Variants in EXOC4 observed in about 807,000 individuals in gnomAD.
The protein encoded by EXOC4 is exocyst complex component 4.
EXOC4 carries 71 observed loss-of-function variants against 107.2 expected under a neutral mutation model. The observed-to-expected ratio is 0.66, with a 90% CI of 0.55 to 0.81. The LOEUF (loss-of-function observed/expected upper bound fraction) is 0.81, where lower values mean the gene tolerates loss of function less well. Among genes scored for constraint, EXOC4 ranks in the 30% least tolerant of loss-of-function variants. The pLI, the probability that EXOC4 is intolerant of heterozygous loss-of-function variation, is 0.00. For synonymous variants in EXOC4, 456 were observed against 441.2 expected, an observed-to-expected ratio of 1.03 and a Z score of -0.42; for missense variants, 1,108 against 1,189.6, an observed-to-expected ratio of 0.93 and a Z score of 1.01.
In EXOC4 at chr7:133,649,359, G is replaced by T. The variant is rs115089295; in HGVS notation, c.1514+19218G>T. ...TCTAGTTTTCAATACACATGATAGG[G>T]TTCATAGCCCAGCCAAATGGAATGA... On this transcript the variant is annotated intron_variant, in intron 10 of 17. Transcript: ENST00000253861. Among the ~76,000 whole-genome samples, 966 of 151,810 alleles carry T rather than the reference G, an allele frequency of 6.4e-3. 3 individuals carry two copies. The highest frequency in any genetic ancestry group is 0.017 in the Middle Eastern group (5 of 292).
chr7:133,545,085 C>A (rs1231311518), intron 9 of EXOC4, among the ~76,000 whole-genome samples: 1 of 151,670 alleles, frequency 6.6e-6, no homozygotes, highest in Non-Finnish European at 1.5e-5. Context: ...CAACAATTCC[C>A]TTGTCTATGT....
At chr7:133,614,391 C>T (rs1390888636) in intron 9 of EXOC4, among the ~76,000 whole-genome samples, 1 of 152,028 alleles carries the variant, frequency 6.6e-6, no homozygotes, top group Non-Finnish European at 1.5e-5. Flanking sequence ...GATGCTTTGT[C>T]CCTGAAGTCA....
chr7:133,295,282 G>C (rs1314576187), intron 3 of EXOC4, among the ~76,000 whole-genome samples: 2 of 152,060 alleles, frequency 1.3e-5, no homozygotes, highest in African/African-American at 2.4e-5. Flanking sequence ...CTTGTGGGTG[G>C]ATAGGGTTTT....
chr7:134,025,589 C>G (rs1377655014), intron 17 of EXOC4, among the ~76,000 whole-genome samples: 2 of 152,196 alleles, frequency 1.3e-5, no homozygotes, highest in Admixed American at 6.5e-5. Context: ...AATGGCTTGC[C>G]TCATCTGTCT....
chr7:133,499,760 G>A (rs963641877), intron 9 of EXOC4, among the ~76,000 whole-genome samples: 2 of 152,054 alleles, frequency 1.3e-5, no homozygotes, highest in African/African-American at 4.8e-5. Flanking sequence ...GTTCTCCTGA[G>A]ATTTTTCTCT....
At chr7:133,834,013 C>T (rs1797866167) in intron 11 of EXOC4, among the ~76,000 whole-genome samples, 1 of 152,060 alleles carries the variant, frequency 6.6e-6, no homozygotes, top group South Asian at 2.1e-4. Context: ...GGGTACCAAG[C>T]ACACCCCCCT....
intron 9 of EXOC4, among the ~76,000 whole-genome samples, chr7:133,581,404 G>A (rs997654313): frequency 6.6e-6 from 1 of 152,148 alleles, no homozygotes; most frequent in Non-Finnish European, 1.5e-5. Flanking sequence ...GATAAGCATA[G>A]TACCCACAGG....
In EXOC4 at chr7:133,460,547, A is replaced by G. The variant is rs75311720; in HGVS notation, c.1183-14781A>G. On this transcript the variant is annotated intron_variant, in intron 7 of 17. Transcript: ENST00000253861. ...TAACACATAACATTCAGTATAAGTAATGTATAATAATCAAATACCTATTGT... is the reference window on the plus strand; with the variant it reads ...TAACACATAACATTCAGTATAAGTAGTGTATAATAATCAAATACCTATTGT... 3.4e-4 allele frequency among the ~76,000 whole-genome samples: 52 copies of G among 152,330 alleles called. 1 individual carries two copies. The East Asian group carries it at 9.8e-3, about 29-fold the overall frequency.
At chr7:133,823,845 ATATATATAT>A (rs1797591973) in intron 11 of EXOC4, among the ~76,000 whole-genome samples, 1 of 1,584 alleles carries the variant, frequency 6.3e-4, no homozygotes, top group Non-Finnish European at 1.1e-3. Flanking sequence ...TATATATATT[ATATATATAT>A]ATATATATAT....
intron 7 of EXOC4, among the ~76,000 whole-genome samples, chr7:133,445,896 G>C (rs915217525): frequency 4.0e-5 from 6 of 151,782 alleles, no homozygotes; most frequent in Admixed American, 1.3e-4. Flanking sequence ...CATGCCTGCA[G>C]TCCCAGCTAC....
At position 134,055,932 on chromosome 7, in the gene EXOC4, A is replaced by G. The variant is rs149755448; in HGVS notation, c.2688-8359A>G. 3.8e-3 allele frequency among the ~76,000 whole-genome samples: 582 copies of G among 152,328 alleles called. 3 individuals are homozygous for G. Among genetic ancestry groups the G allele is most frequent in the African/African-American group, 0.014 (569 of 41,574 alleles). ...TATTAGAGTTTCCTAAGCATTAGTA[A>G]TAACATTAGGTTTTGCTTTGAAGAA... On this transcript the variant is annotated intron_variant, in intron 17 of 17. Coordinates refer to ENST00000253861, the MANE Select transcript of EXOC4 (RefSeq NM_021807.4).
chr7:133,956,093 TG>T (rs1312196712), intron 14 of EXOC4, among the ~76,000 whole-genome samples: 1 of 152,202 alleles, frequency 6.6e-6, no homozygotes, highest in Non-Finnish European at 1.5e-5. Context: ...CAGCTGCAAC[TG>T]GGGGCCATCA....
chr7:133,406,949 A>C (rs961871812), intron 7 of EXOC4, among the ~76,000 whole-genome samples: 3 of 152,040 alleles, frequency 2.0e-5, no homozygotes, highest in African/African-American at 7.2e-5. Context: ...TAGGAAGGCT[A>C]CTCTGGCTTG....
intron 10 of EXOC4, among the ~76,000 whole-genome samples, chr7:133,781,032 C>G (rs1796454855): frequency 6.6e-6 from 1 of 152,316 alleles, no homozygotes; most frequent in East Asian, 1.9e-4. Context: ...GAGGCACTGG[C>G]CACTGAGTCA....
At chr7:134,052,728 TG>T (rs1345942458) in intron 17 of EXOC4, among the ~76,000 whole-genome samples, 4 of 152,204 alleles carry the variant, frequency 2.6e-5, no homozygotes, top group Admixed American at 1.3e-4. Context: ...AAACTGAAGT[TG>T]AGACAGGTTC....
At chr7:133,949,345 A>C (rs1800633208) in intron 14 of EXOC4, among the ~76,000 whole-genome samples, 1 of 152,178 alleles carries the variant, frequency 6.6e-6, no homozygotes, top group Admixed American at 6.5e-5. Flanking sequence ...AACATCTTTG[A>C]GCTCTGGTCG....
chr7:133,829,592 A>G (rs1167716524), intron 11 of EXOC4, among the ~76,000 whole-genome samples: 1 of 152,210 alleles, frequency 6.6e-6, no homozygotes, highest in Non-Finnish European at 1.5e-5. Flanking sequence ...AGTTGACCAC[A>G]CTACCCCAAC....
chr7:133,804,856 A>T (rs954263161), intron 10 of EXOC4, among the ~76,000 whole-genome samples: 10 of 151,978 alleles, frequency 6.6e-5, no homozygotes, highest in Non-Finnish European at 1.2e-4. Flanking sequence ...TTTTCCTTTC[A>T]CCATCTTTCT....
At chr7:133,578,667 T>C (rs1458520827) in intron 9 of EXOC4, among the ~76,000 whole-genome samples, 1 of 152,204 alleles carries the variant, frequency 6.6e-6, no homozygotes, top group African/African-American at 2.4e-5. Flanking sequence ...TAATGCACTA[T>C]TAGTTTTATA....
Sources: allele counts gnomAD v4.1 joint callset (sites outside exome capture counted in the v4.1 genomes callset), GRCh38; gene constraint gnomAD v4.1.1; transcripts MANE v1.5; gene names NCBI Gene and HGNC (gene_info 2026-07-23, HGNC 2026-07-21).